The following GABRA3 variants were observed in gnomAD, a reference collection of about 807,000 sequenced individuals.
GABRA3 encodes gamma-aminobutyric acid type A receptor subunit alpha3.
Under a neutral mutation model 30.1 loss-of-function variants are expected in GABRA3, and 10 were observed. The observed-to-expected ratio is 0.33, with a 90% CI of 0.20 to 0.56. The LOEUF (loss-of-function observed/expected upper bound fraction) is 0.56, where lower values mean the gene tolerates loss of function less well. GABRA3 is among the 20% of genes least tolerant of loss of function. The probability of loss-of-function intolerance (pLI) is 0.89; values close to 1 mark genes in which losing one functional copy is unlikely to be tolerated. For synonymous variants in GABRA3, 151 were observed against 146.8 expected (o/e 1.03, Z -0.21); for missense variants, 233 against 392.0 (o/e 0.59, Z 3.42).
chrX:152,441,025 AG>A lies in GABRA3; in HGVS notation c.-27+10120del, dbSNP rs1235108694. 4.2e-3 allele frequency among the ~76,000 whole-genome samples: 454 copies of A among 106,863 alleles called. 3 individuals are homozygous for A. Among genetic ancestry groups the A allele is most frequent in the African/African-American group, 0.015 (437 of 29,183 alleles). 92.8% of individuals were successfully genotyped at this position (106,863 alleles called of 115,157 possible). A position where few individuals can be genotyped will look rare whatever the true frequency, so the allele number is the denominator to read the frequency against. On this transcript the variant is annotated intron_variant, in intron 1 of 9. Transcript: ENST00000370314. ...TTATAGTATAATAAAAAAAAAAAAA[AG>A]AAAAGAAAAAGAAAACAGATAGATG...
intron 4 of GABRA3, among the ~76,000 whole-genome samples, chrX:152,275,208 A>ATTTATTATTATATATATAATTTATATT (rs751082409): frequency 2.0e-5 from 1 of 51,013 alleles, no homozygotes; most frequent in Non-Finnish European, 3.0e-5. Flanking sequence ...ATTTATATAT[A>ATTTATTATTATATATATAATTTATATT]TAATATTATA....
At chrX:152,197,842 T>C in intron 7 of GABRA3, 57 bp from the exon 8 acceptor site, 2 of 971,972 alleles carry the variant, frequency 2.1e-6, no homozygotes, top group African/African-American at 1.9e-5. Flanking sequence ...CTAAATCAAG[T>C]TGGGCCCCAA....
intron 5 of GABRA3, among the ~76,000 whole-genome samples, chrX:152,241,612 T>C (rs866044772): frequency 6.4e-5 from 7 of 109,076 alleles, no homozygotes; most frequent in Admixed American, 1.9e-4. Context: ...GCCTCGCTGC[T>C]GCTTTGCAGT....
chrX:152,286,560 G>A (rs1939300577), intron 3 of GABRA3, among the ~76,000 whole-genome samples: 1 of 111,364 alleles, frequency 9.0e-6, no homozygotes, highest in Non-Finnish European at 1.9e-5. Context: ...TCACGGAAAG[G>A]TAGGGAACAC....
At chrX:152,428,096 T>C (rs989428080) in intron 1 of GABRA3, among the ~76,000 whole-genome samples, 1 of 112,566 alleles carries the variant, frequency 8.9e-6, no homozygotes, top group Admixed American at 9.4e-5. Context: ...ACTTAGAGAT[T>C]CACAGACCTA....
chrX:152,273,020 G>A (rs1023121714), intron 4 of GABRA3, among the ~76,000 whole-genome samples: 1 of 111,423 alleles, frequency 9.0e-6, no homozygotes, highest in Admixed American at 9.6e-5. Context: ...CAGGAGAATG[G>A]ACTAACACAC....
chrX:152,264,669 T>G (rs1416113642), intron 4 of GABRA3, among the ~76,000 whole-genome samples: 1 of 110,936 alleles, frequency 9.0e-6, no homozygotes, highest in Non-Finnish European at 1.9e-5. Flanking sequence ...GAATGTATAT[T>G]GACTAAATGC....
chrX:152,302,516 T>C (rs566691801), intron 3 of GABRA3, among the ~76,000 whole-genome samples: 1 of 111,514 alleles, frequency 9.0e-6, no homozygotes, highest in Middle Eastern at 4.6e-3. Flanking sequence ...GACCCAAATC[T>C]AAACACAAAA....
intron 3 of GABRA3, among the ~76,000 whole-genome samples, chrX:152,336,906 T>A (rs1285885719): frequency 2.7e-5 from 3 of 111,108 alleles, no homozygotes; most frequent in East Asian, 2.8e-4. Context: ...CAAGTCAGAG[T>A]CATAGATGTC....
At chrX:152,192,092 A>T (rs1937331860) in intron 8 of GABRA3, among the ~76,000 whole-genome samples, 2 of 112,266 alleles carry the variant, frequency 1.8e-5, no homozygotes, top group Non-Finnish European at 1.9e-5. Flanking sequence ...ACTGTATTGC[A>T]ACATAAGTGT....
intron 1 of GABRA3, among the ~76,000 whole-genome samples, chrX:152,374,771 G>C: frequency 9.0e-6 from 1 of 111,421 alleles, no homozygotes; most frequent in Admixed American, 9.5e-5. Flanking sequence ...TATAGTTTTT[G>C]GTTTTACATT....
chrX:152,349,240 A>C (rs1206940801), intron 2 of GABRA3, among the ~76,000 whole-genome samples: 1 of 105,167 alleles, frequency 9.5e-6, no homozygotes, highest in Non-Finnish European at 2.0e-5. Flanking sequence ...CATCCCTTCA[A>C]GTTTTTTCAC....
chrX:152,266,264 A>G (rs1268832455), intron 4 of GABRA3, among the ~76,000 whole-genome samples: 1 of 112,178 alleles, frequency 8.9e-6, no homozygotes, highest in Non-Finnish European at 1.9e-5. Flanking sequence ...TCAACAACAC[A>G]TTAAAAAGAT....
chrX:152,282,989 A>T (rs756115727), intron 4 of GABRA3, among the ~76,000 whole-genome samples: 1 of 111,793 alleles, frequency 8.9e-6, no homozygotes, highest in African/African-American at 3.2e-5. Context: ...AATTCCTAAC[A>T]ATAGAAAAAG....
intron 3 of GABRA3, among the ~76,000 whole-genome samples, chrX:152,290,375 G>T (rs950092101): frequency 1.2e-4 from 13 of 111,548 alleles, no homozygotes; most frequent in African/African-American, 4.2e-4. Context: ...TTTTTTTCTT[G>T]TAAATTTGTT....
chrX:152,270,769 C>A (rs1365897780), intron 4 of GABRA3, among the ~76,000 whole-genome samples: 2 of 108,328 alleles, frequency 1.8e-5, no homozygotes, highest in Admixed American at 1.0e-4. Flanking sequence ...GTAGGAGAAT[C>A]ACTTGAACCC....
intron 5 of GABRA3, among the ~76,000 whole-genome samples, chrX:152,237,244 A>C (rs1938241141): frequency 9.0e-6 from 1 of 110,803 alleles, no homozygotes; most frequent in African/African-American, 3.3e-5. Flanking sequence ...ACCATTTATT[A>C]AATAGGGAAT....
chrX:152,351,625 T>A, intron 2 of GABRA3, among the ~76,000 whole-genome samples: 1 of 112,314 alleles, frequency 8.9e-6, no homozygotes. Flanking sequence ...TTCACTTTCT[T>A]ATCATTTATG....
intron 6 of GABRA3, among the ~76,000 whole-genome samples, chrX:152,212,448 G>A (rs1039923950): frequency 1.4e-4 from 15 of 109,590 alleles, no homozygotes; most frequent in African/African-American, 4.7e-4. Context: ...GTTGGAATAC[G>A]CACGTGTGTA....
Sources: gnomAD v4.1 joint callset for allele counts (sites outside exome capture counted in the v4.1 genomes callset) on GRCh38, gnomAD v4.1.1 for gene constraint, MANE v1.5 for transcripts, NCBI Gene and HGNC (gene_info 2026-07-23, HGNC 2026-07-21) for gene names.